Variants in UNC13C observed in about 807,000 individuals in gnomAD.
UNC13C encodes unc-13 homolog C.
In UNC13C, 174 loss-of-function variants were observed where a neutral mutation model predicts 245.4. That is an observed-to-expected ratio of 0.71 (90% CI 0.63 to 0.80). The LOEUF is 0.80. Among genes scored for constraint, UNC13C ranks in the 30% least tolerant of loss-of-function variants. The pLI, the probability that UNC13C is intolerant of heterozygous loss-of-function variation, is 0.00. For missense variants in UNC13C, 2,829 were observed against 2,602.9 expected (o/e 1.09, Z -1.89); for synonymous variants, 992 against 895.1 (o/e 1.11, Z -1.93).
chr15:54,253,996 C>T (rs749242002), intron 8 of UNC13C, among the ~76,000 whole-genome samples: 9 of 152,196 alleles, frequency 5.9e-5, no homozygotes, highest in Non-Finnish European at 1.2e-4. Flanking sequence ...AAATATTTCA[C>T]GAAACGCTCA....
At chr15:54,168,039 G>A (rs966004042) in intron 4 of UNC13C, among the ~76,000 whole-genome samples, 2 of 152,182 alleles carry the variant, frequency 1.3e-5, no homozygotes, top group Admixed American at 1.3e-4. Context: ...TGGAAAGTGG[G>A]ATGGTTATAC....
Position 54,012,700 on chromosome 15 carries a change from A to G in UNC13C, c.-204A>G, listed in dbSNP as rs968535871. On this transcript the variant is annotated 5_prime_UTR_variant, in exon 2 of 33. Transcript: ENST00000260323. ...GAGAGATTCATGAAACCCCTCCTCCAGGAAAGAATGTCTTTCACAGATGGA... is the reference window on the plus strand; with the variant it reads ...GAGAGATTCATGAAACCCCTCCTCCGGGAAAGAATGTCTTTCACAGATGGA... 6.6e-6 allele frequency among the ~76,000 whole-genome samples: 1 copy of G among 152,204 alleles called. No homozygotes were observed. The highest frequency in any genetic ancestry group is 1.5e-5 in the Non-Finnish European group (1 of 68,028).
chr15:54,048,865 G>A (rs751982018), intron 2 of UNC13C: 6 of 247,250 alleles, frequency 2.4e-5, no homozygotes, highest in South Asian at 1.0e-4. Flanking sequence ...TCCCTTTCAC[G>A]TAATGTTTTA....
At chr15:54,098,860 G>A (rs1274478639) in intron 2 of UNC13C, among the ~76,000 whole-genome samples, 3 of 152,100 alleles carry the variant, frequency 2.0e-5, no homozygotes, top group African/African-American at 7.2e-5. Context: ...ATCTCTAAAG[G>A]ACATTTTCAT....
chr15:53,961,842 G>A, the UNC13C span, among the ~76,000 whole-genome samples: 15 of 152,276 alleles, frequency 9.9e-5, no homozygotes, highest in East Asian at 3.9e-4. Context: ...TGGCACATCA[G>A]CATGAGAAAT....
intron 4 of UNC13C, among the ~76,000 whole-genome samples, chr15:54,189,196 G>A (rs2034097218): frequency 6.6e-6 from 1 of 152,112 alleles, no homozygotes; most frequent in Non-Finnish European, 1.5e-5. Context: ...ACAGGTCAGC[G>A]TCTGGAATAA....
intron 30 of UNC13C, among the ~76,000 whole-genome samples, chr15:54,578,589 G>T (rs62023995): frequency 0.061 from 9,256 of 152,262 alleles, 476 homozygotes; most frequent in Admixed American, 0.13. Flanking sequence ...TACATCTAAA[G>T]TTACGTATAA....
intron 25 of UNC13C, 41 bp downstream of exon 25, chr15:54,525,678 G>T: frequency 6.7e-7 from 1 of 1,491,504 alleles, no homozygotes; most frequent in South Asian, 1.2e-5. Flanking sequence ...TAGATAATTA[G>T]GTGTCAGTTC....
intron 30 of UNC13C, among the ~76,000 whole-genome samples, chr15:54,615,136 A>G (rs1174169241): frequency 6.6e-6 from 1 of 152,036 alleles, no homozygotes; most frequent in African/African-American, 2.4e-5. Context: ...GTTTTGATAC[A>G]GGCATGCAAT....
chr15:54,307,754 C>A (rs1215201113), intron 13 of UNC13C, among the ~76,000 whole-genome samples: 1 of 151,906 alleles, frequency 6.6e-6, no homozygotes, highest in African/African-American at 2.4e-5. Flanking sequence ...CAGTCACACA[C>A]CATTGCTCTT....
the UNC13C span, among the ~76,000 whole-genome samples, chr15:53,852,061 G>C: frequency 6.6e-6 from 1 of 152,198 alleles, no homozygotes; most frequent in South Asian, 2.1e-4. Flanking sequence ...TGGTCAGTCA[G>C]AAGTTCTGGA....
intron 16 of UNC13C, among the ~76,000 whole-genome samples, chr15:54,335,603 A>G (rs561540832): frequency 1.3e-5 from 2 of 152,226 alleles, no homozygotes; most frequent in African/African-American, 4.8e-5. Flanking sequence ...CTTTGCCTGT[A>G]GGTTTGCCTT....
intron 2 of UNC13C, among the ~76,000 whole-genome samples, chr15:54,107,167 A>G (rs56699156): frequency 0.035 from 5,377 of 152,194 alleles, 285 homozygotes; most frequent in African/African-American, 0.12. Flanking sequence ...TGTTTTATTT[A>G]TTTCAAATCT....
intron 17 of UNC13C, among the ~76,000 whole-genome samples, chr15:54,390,334 A>G (rs1421635594): frequency 6.6e-6 from 1 of 152,036 alleles, no homozygotes; most frequent in African/African-American, 2.4e-5. Flanking sequence ...GTCTGTAAAA[A>G]CTTTTCTCTA....
intron 5 of UNC13C, among the ~76,000 whole-genome samples, chr15:54,235,534 CT>C (rs1228162749): frequency 1.3e-5 from 2 of 152,186 alleles, no homozygotes; most frequent in Non-Finnish European, 2.9e-5. Context: ...TTAATCAACT[CT>C]TCATTTTATT....
At chr15:54,336,076 T>C (rs1332588501) in intron 16 of UNC13C, among the ~76,000 whole-genome samples, 1 of 152,096 alleles carries the variant, frequency 6.6e-6, no homozygotes, top group Non-Finnish European at 1.5e-5. Context: ...TATCTGAATA[T>C]CTTTTTTTGT....
chr15:54,083,896 C>T (rs1899092939), intron 2 of UNC13C, among the ~76,000 whole-genome samples: 1 of 152,210 alleles, frequency 6.6e-6, no homozygotes, highest in Non-Finnish European at 1.5e-5. Flanking sequence ...TGGTACTCAC[C>T]ATCTCAGTTT....
At chr15:54,402,582 A>G (rs1417714853) in intron 18 of UNC13C, among the ~76,000 whole-genome samples, 1 of 152,138 alleles carries the variant, frequency 6.6e-6, no homozygotes, top group African/African-American at 2.4e-5. Flanking sequence ...ATAGGGAACC[A>G]TGGGGAATTA....
chr15:54,027,789 T>C (rs1309341208), intron 2 of UNC13C, among the ~76,000 whole-genome samples: 1 of 151,722 alleles, frequency 6.6e-6, no homozygotes, highest in East Asian at 1.9e-4. Context: ...CATTTCCTTT[T>C]TTTTTTTTTT....
Sources: gnomAD v4.1 joint callset for allele counts (sites outside exome capture counted in the v4.1 genomes callset) on GRCh38, gnomAD v4.1.1 for gene constraint, MANE v1.5 for transcripts, NCBI Gene and HGNC (gene_info 2026-07-23, HGNC 2026-07-21) for gene names.